Variants in THADA observed in about 807,000 individuals in gnomAD.
The protein encoded by THADA is tRNA (32-2'-O)-methyltransferase regulator THADA.
Under a neutral mutation model 219.8 loss-of-function variants are expected in THADA, and 213 were observed. The observed-to-expected ratio is 0.97, with a 90% confidence interval of 0.87 to 1.09. The LOEUF is 1.09. Among genes scored for constraint, THADA ranks in the 50% least tolerant of loss-of-function variants. THADA has a pLI of 0.00. For missense variants in THADA, 2,956 were observed against 2,311.3 expected (o/e 1.28, Z -5.72); for synonymous variants, 1,018 against 828.9 (o/e 1.23, Z -3.92).
chr2:43,313,534 G>C (rs1034065234), intron 31 of THADA, among the ~76,000 whole-genome samples: 10 of 152,224 alleles, frequency 6.6e-5, no homozygotes, highest in Admixed American at 3.3e-4. Flanking sequence ...TTGTGCAGTG[G>C]CCATAGGTCC....
chr2:43,434,942 C>T (rs544321116), intron 26 of THADA, among the ~76,000 whole-genome samples: 1 of 152,308 alleles, frequency 6.6e-6, no homozygotes, highest in East Asian at 1.9e-4. Context: ...AACATTCACC[C>T]CTCGACACTG....
Position 43,574,937 on chromosome 2 carries a change from C to A in THADA, c.1128G>T (p.Pro376=). The part of the protein sequence containing the change: ...SAIQVLESSS[P]SLTDSLNGNS... ...TCCCATTCAGGCTGTCCGTTAGGCTCGGGGAACTTGATTCAAGGACTTGTA... is the reference window on the plus strand; with the variant it reads ...TCCCATTCAGGCTGTCCGTTAGGCTAGGGGAACTTGATTCAAGGACTTGTA... The change falls in exon 11 of 38, where the codon CCG becomes CCT. Residue 376 remains proline, a synonymous_variant. Transcript: ENST00000405975. 2 of 1,613,924 alleles carry A rather than the reference C, an allele frequency of 1.2e-6. No homozygotes were observed. Among genetic ancestry groups the A allele is most frequent in the Non-Finnish European group, 1.7e-6 (2 of 1,179,890 alleles).
rs1219458366 is a variant in THADA at position 43,574,397 on chromosome 2, G to A, written c.1668C>T (p.Tyr556=). ...CCATGTACTGTAAGCTTTCAGGGCT[G>A]TAACTTAATAATTTTGGCAAGTAAT... ...IDYYLPKLLS[Y]SPESLQYMVK... is the part of the protein sequence containing the mutation. Residue 556 remains tyrosine, a synonymous_variant, in exon 11 of 38, where the codon TAC becomes TAT. Transcript: ENST00000405975. 2 of 1,609,458 alleles carry A rather than the reference G, an allele frequency of 1.2e-6. No homozygotes were observed. The highest frequency in any genetic ancestry group is 1.7e-6 in the Non-Finnish European group (2 of 1,177,626).
intron 29 of THADA, among the ~76,000 whole-genome samples, chr2:43,372,534 C>A (rs1276257571): frequency 6.6e-6 from 1 of 152,114 alleles, no homozygotes; most frequent in Non-Finnish European, 1.5e-5. Flanking sequence ...TCAGGAGTTT[C>A]TAACCCCTCT....
At chr2:43,475,893 A>C (rs1685474266) in intron 26 of THADA, among the ~76,000 whole-genome samples, 1 of 152,394 alleles carries the variant, frequency 6.6e-6, no homozygotes, top group South Asian at 2.1e-4. Context: ...GTCTTAAGTC[A>C]CTGTTCTTAA....
chr2:43,232,618 G>C, intron 37 of THADA, 95 bp downstream of exon 37: 1 of 1,344,564 alleles, frequency 7.4e-7, no homozygotes, highest in Non-Finnish European at 1.0e-6. Context: ...CTGTGTCTAA[G>C]CATGCAAAAG....
At chr2:43,473,748 A>G (rs1241500725) in intron 26 of THADA, among the ~76,000 whole-genome samples, 2 of 151,916 alleles carry the variant, frequency 1.3e-5, no homozygotes, top group African/African-American at 4.8e-5. Flanking sequence ...AGCTGGGATT[A>G]CAGGCGCCTG....
chr2:43,493,312 T>C (rs1687879294), intron 25 of THADA, among the ~76,000 whole-genome samples: 1 of 152,142 alleles, frequency 6.6e-6, no homozygotes, highest in South Asian at 2.1e-4. Flanking sequence ...CTAGCCAACA[T>C]GGTGAAACCC....
chr2:43,554,013 C>T (rs1558961033), intron 17 of THADA, among the ~76,000 whole-genome samples: 1 of 152,140 alleles, frequency 6.6e-6, no homozygotes, highest in Non-Finnish European at 1.5e-5. Flanking sequence ...ATATACTAGA[C>T]AAAAGTCCCT....
chr2:43,547,227 C>G (rs1696149934), intron 20 of THADA, among the ~76,000 whole-genome samples: 1 of 152,244 alleles, frequency 6.6e-6, no homozygotes, highest in Non-Finnish European at 1.5e-5. Context: ...TATAGAGTTT[C>G]TGCCGAGAGA....
intron 36 of THADA, among the ~76,000 whole-genome samples, chr2:43,244,228 T>C (rs1016524730): frequency 6.6e-6 from 1 of 152,182 alleles, no homozygotes; most frequent in Non-Finnish European, 1.5e-5. Context: ...AATAGGGACA[T>C]ACTTCACCAA....
At chr2:43,260,925 G>A (rs565650711) in intron 36 of THADA, among the ~76,000 whole-genome samples, 9 of 152,146 alleles carry the variant, frequency 5.9e-5, no homozygotes, top group African/African-American at 2.2e-4. Context: ...TTCATCTTTG[G>A]TTGGCTTGAC....
chr2:43,231,221 T>TG lies in THADA; in HGVS notation c.5588dup (p.Ser1864LysfsTer3), dbSNP rs1667375916. 6.2e-7 allele frequency: 1 copy of TG among 1,613,724 alleles called. No individual in the cohort carries two copies. Among genetic ancestry groups the TG allele is most frequent in the Non-Finnish European group, 8.5e-7 (1 of 1,179,798 alleles). ...GAAGGTGACAGAGCATCTCAGGGCT[T>TG]GGGGGACGCCAGCCGGACTTTGAGA... On this transcript the variant is annotated frameshift_variant, in exon 38 of 38. Coordinates refer to ENST00000405975, the MANE Select transcript of THADA (RefSeq NM_022065.5). LOFTEE classifies it low-confidence loss of function (END_TRUNC).
Position 43,569,086 on chromosome 2 carries a change from C to G in THADA, c.2187+1302G>C, listed in dbSNP as rs1699009494. On this transcript the variant is annotated intron_variant, in intron 14 of 37. Transcript: ENST00000405975. ...TCCCAGACTCCAGCAACCTTCAACC[C>G]TAAGCCTCCAGAGTATCTGGGAACA... 3.3e-5 allele frequency among the ~76,000 whole-genome samples: 5 copies of G among 152,140 alleles called. No homozygotes were observed. The South Asian group carries it at 1.0e-3, about 31-fold the overall frequency.
At chr2:43,392,165 TTA>T (rs1673466685) in intron 29 of THADA, among the ~76,000 whole-genome samples, 1 of 152,218 alleles carries the variant, frequency 6.6e-6, no homozygotes, top group Non-Finnish European at 1.5e-5. Flanking sequence ...CTGGACCGTT[TTA>T]TGTTTCACAA....
chr2:43,245,989 C>T (rs1328964335), intron 36 of THADA, among the ~76,000 whole-genome samples: 3 of 151,616 alleles, frequency 2.0e-5, no homozygotes, highest in African/African-American at 4.8e-5. Flanking sequence ...CCTTACTAGG[C>T]GCCCACCTCC....
intron 26 of THADA, among the ~76,000 whole-genome samples, chr2:43,434,517 G>T (rs1268091777): frequency 6.6e-6 from 1 of 152,144 alleles, no homozygotes; most frequent in Non-Finnish European, 1.5e-5. Flanking sequence ...CACACAAGCG[G>T]CTGGATGACA....
chr2:43,404,735 A>C (rs1209272567), intron 28 of THADA, among the ~76,000 whole-genome samples: 1 of 152,182 alleles, frequency 6.6e-6, no homozygotes, highest in Non-Finnish European at 1.5e-5. Context: ...ACAGGGACTT[A>C]AGAACATGCT....
rs548584846 is a variant in THADA, at chr2:43,574,997, C to G, written c.1068G>C (p.Leu356=). 6.2e-7 allele frequency: 1 copy of G among 1,612,516 alleles called. No homozygotes were observed. The highest frequency in any genetic ancestry group is 1.3e-5 in the African/African-American group (1 of 74,968). ...TAGTCCAGGATGCTAAGATTCTAGA[C>G]AGAAACATTTCCAGCGTTGGCTCTT... ...QIKEPTLEMF[L]SRILASWTNS... The change falls in exon 11 of 38, where the codon CTG becomes CTC. Residue 356 remains leucine, a synonymous_variant. Coordinates refer to ENST00000405975, the MANE Select transcript of THADA (RefSeq NM_022065.5).
Sources: allele counts gnomAD v4.1 joint callset (sites outside exome capture counted in the v4.1 genomes callset), GRCh38; gene constraint gnomAD v4.1.1; transcripts MANE v1.5; gene names NCBI Gene and HGNC (gene_info 2026-07-23, HGNC 2026-07-21).